The following SGMS2 variants were observed in gnomAD, a reference collection of about 807,000 sequenced individuals.
SGMS2 encodes sphingomyelin synthase 2, also known as phosphatidylcholine:ceramide cholinephosphotransferase 2.
A neutral mutation model predicts 43.8 loss-of-function variants in SGMS2; 21 were observed. The ratio of observed to expected loss-of-function variants is 0.48; its 90% CI spans 0.34 to 0.69. SGMS2 has a LOEUF of 0.69. SGMS2 is among the 30% of genes least tolerant of loss of function. The probability of loss-of-function intolerance (pLI) is 0.01; values close to 1 mark genes in which losing one functional copy is unlikely to be tolerated. For synonymous variants in SGMS2, 167 were observed against 160.6 expected (o/e 1.04, Z -0.30); for missense variants, 384 against 443.2 (o/e 0.87, Z 1.20).
chr4:107,893,934 C>A (rs1730450297), intron 2 of SGMS2, among the ~76,000 whole-genome samples: 1 of 152,156 alleles, frequency 6.6e-6, no homozygotes, highest in Admixed American at 6.5e-5. Flanking sequence ...GGTTAGACTG[C>A]AAGCTCTTTG....
In SGMS2 at chr4:107,912,992, T is replaced by C. The variant is rs1732221892; in HGVS notation, c.*2439T>C. ...CCCATTTACATGTAGGAAAGAAAAGTTGAGCTTCAACCCAATGTGCCACTT... is the reference window on the plus strand; with the variant it reads ...CCCATTTACATGTAGGAAAGAAAAGCTGAGCTTCAACCCAATGTGCCACTT... On this transcript the variant is annotated 3_prime_UTR_variant, in exon 7 of 7. Coordinates refer to ENST00000690982, the MANE Select transcript of SGMS2 (RefSeq NM_001375905.1). 6.6e-6 allele frequency: 1 copy of C among 152,136 alleles called. No individual in the cohort carries two copies. Among genetic ancestry groups the C allele is most frequent in the Non-Finnish European group, 1.5e-5 (1 of 68,020 alleles). 9.4% of individuals were successfully genotyped at this position (152,136 alleles called of 1,614,324 possible).
chr4:107,894,937 G>A (rs1395895665), intron 2 of SGMS2, among the ~76,000 whole-genome samples: 4 of 152,092 alleles, frequency 2.6e-5, no homozygotes, highest in Admixed American at 2.6e-4. Context: ...TACAGTCTTA[G>A]GAAGGATTGA....
In SGMS2 at chr4:107,846,374, G is replaced by C. The variant is rs983873218; in HGVS notation, c.-326-12098G>C. Among the ~76,000 whole-genome samples the C allele has an allele frequency of 4.3e-4, 64 of 147,292 alleles. No individual in the cohort carries two copies. In the Admixed American group the frequency reaches 4.4e-3, roughly 10 times the overall value. ...GAGAACATGTGGTATTTGGTTTTTT[G>C]TCCTTGCGATAGTTTACTGAGAATG... On this transcript the variant is annotated intron_variant, in intron 1 of 6. Transcript: ENST00000690982.
Position 107,869,638 on chromosome 4 carries a change from T to C in SGMS2, c.-245+11085T>C, listed in dbSNP as rs1166202930. Among the ~76,000 whole-genome samples the C allele has an allele frequency of 4.6e-5, 7 of 152,028 alleles. No homozygotes were observed. In the East Asian group the frequency reaches 1.3e-3, roughly 29 times the overall value. On this transcript the variant is annotated intron_variant, in intron 2 of 6. Coordinates refer to ENST00000690982, the MANE Select transcript of SGMS2 (RefSeq NM_001375905.1). ...TGTTTTTTTAAGTAAATTGTGTTAA[T>C]TTTGTTAGGTGTAAAAATGGCATTA...
At chr4:107,835,463 T>G (rs1726120317) in intron 1 of SGMS2, among the ~76,000 whole-genome samples, 1 of 152,206 alleles carries the variant, frequency 6.6e-6, no homozygotes, top group African/African-American at 2.4e-5. Context: ...GAATAAAAAC[T>G]CGATGTGGGA....
chr4:107,841,388 C>T (rs1726489606), intron 1 of SGMS2, among the ~76,000 whole-genome samples: 2 of 152,032 alleles, frequency 1.3e-5, no homozygotes, highest in African/African-American at 4.8e-5. Flanking sequence ...CTCTTTTTCC[C>T]CTGTGAAATT....
intron 1 of SGMS2, among the ~76,000 whole-genome samples, chr4:107,832,638 A>C (rs1725953936): frequency 1.3e-5 from 2 of 152,194 alleles, no homozygotes; most frequent in Admixed American, 1.3e-4. Flanking sequence ...AATTTTGCCA[A>C]AGAAAAAAAT....
chr4:107,849,943 T>C (rs1727046243), intron 1 of SGMS2, among the ~76,000 whole-genome samples: 5 of 152,140 alleles, frequency 3.3e-5, no homozygotes, highest in Admixed American at 3.3e-4. Flanking sequence ...TGGATGTGTG[T>C]CCCCACCCAA....
At chr4:107,868,094 G>A (rs899514458) in intron 2 of SGMS2, among the ~76,000 whole-genome samples, 4 of 152,092 alleles carry the variant, frequency 2.6e-5, no homozygotes, top group Non-Finnish European at 4.4e-5. Context: ...ATTGTTTAAA[G>A]TGTATATTTG....
At chr4:107,836,985 C>T (rs992140350) in intron 1 of SGMS2, among the ~76,000 whole-genome samples, 1 of 152,172 alleles carries the variant, frequency 6.6e-6, no homozygotes, top group Non-Finnish European at 1.5e-5. Flanking sequence ...TATCAAGCTT[C>T]CAGGATAGGT....
In SGMS2 at chr4:107,908,589, A is replaced by G. The variant is rs138523263; in HGVS notation, c.752A>G (p.Tyr251Cys). The change falls in exon 6 of 7, where the codon TAT becomes TGT. Residue 251 changes from tyrosine to cysteine, a missense_variant. Physicochemically the swap from Tyr to Cys is radical, Grantham distance 194. Coordinates refer to ENST00000690982, the MANE Select transcript of SGMS2 (RefSeq NM_001375905.1). Reference protein sequence around the residue: ...KEYSPRHFWWYHLICWLLSAA... With the variant: ...KEYSPRHFWWCHLICWLLSAA... ...GATTCGCCTCGTCACTTCTGGTGGT[A>G]TCATTTAATCTGCTGGCTGCTGAGT... 6.2e-7 allele frequency: 1 copy of G among 1,613,794 alleles called. No individual in the cohort carries two copies. The highest frequency in any genetic ancestry group is 8.5e-7 in the Non-Finnish European group (1 of 1,179,928).
At chr4:107,899,534 C>G in intron 3 of SGMS2, 41 bp from the exon 4 acceptor site, 1 of 1,429,918 alleles carries the variant, frequency 7.0e-7, no homozygotes, top group South Asian at 1.2e-5. Context: ...GTAAAACCAA[C>G]CAGTAAACTT....
intron 2 of SGMS2, among the ~76,000 whole-genome samples, chr4:107,877,913 CTTTTTTTTT>C (rs774442653): frequency 9.8e-6 from 1 of 102,178 alleles, no homozygotes; most frequent in Non-Finnish European, 1.9e-5. Flanking sequence ...TTTTTCTTTT[CTTTTTTTTT>C]TTTTTTTTTT....
chr4:107,845,884 A>G (rs957932779), intron 1 of SGMS2, among the ~76,000 whole-genome samples: 3 of 152,194 alleles, frequency 2.0e-5, no homozygotes, highest in East Asian at 1.9e-4. Context: ...TAGGAAAGCT[A>G]TAGGAGGCAG....
chr4:107,833,046 T>C (rs1056385763), intron 1 of SGMS2, among the ~76,000 whole-genome samples: 9 of 152,088 alleles, frequency 5.9e-5, no homozygotes, highest in Non-Finnish European at 1.3e-4. Context: ...AAAAAGACGT[T>C]GATACTAATT....
chr4:107,898,122 C>G (rs1440997213), intron 3 of SGMS2, among the ~76,000 whole-genome samples: 1 of 152,098 alleles, frequency 6.6e-6, no homozygotes, highest in Non-Finnish European at 1.5e-5. Flanking sequence ...TTCCCTTAAC[C>G]AAGGGAAGAA....
chr4:107,860,624 A>G (rs1217641032), intron 2 of SGMS2, among the ~76,000 whole-genome samples: 3 of 151,352 alleles, frequency 2.0e-5, no homozygotes, highest in African/African-American at 7.3e-5. Flanking sequence ...TCCTGGGTTC[A>G]AGCAATTCTC....
intron 2 of SGMS2, among the ~76,000 whole-genome samples, chr4:107,868,210 CACTTTT>C (rs1226413100): frequency 6.6e-6 from 1 of 152,128 alleles, no homozygotes; most frequent in African/African-American, 2.4e-5. Flanking sequence ...GAGAAATTTT[CACTTTT>C]ACTTAGTTTT....
chr4:107,872,682 A>G (rs1391972460), intron 2 of SGMS2, among the ~76,000 whole-genome samples: 2 of 152,036 alleles, frequency 1.3e-5, no homozygotes, highest in South Asian at 2.1e-4. Context: ...AAAAAAAACA[A>G]TAAGAAGAAC....
Sources: gnomAD v4.1 joint callset for allele counts (sites outside exome capture counted in the v4.1 genomes callset) on GRCh38, gnomAD v4.1.1 for gene constraint, MANE v1.5 for transcripts, NCBI Gene and HGNC (gene_info 2026-07-23, HGNC 2026-07-21) for gene names.